BTG4: variants seen among roughly 807,000 people sequenced by gnomAD.
BTG4 encodes protein BTG4.
In BTG4, 10 loss-of-function variants were observed where a neutral mutation model predicts 19.3. That is an observed-to-expected ratio of 0.52 (90% CI 0.32 to 0.88). The LOEUF (loss-of-function observed/expected upper bound fraction) is 0.88. Among genes scored for constraint, BTG4 ranks in the 40% least tolerant of loss-of-function variants. The pLI is 0.04. For missense variants in BTG4, 238 were observed against 281.9 expected (o/e 0.84, Z 1.11); for synonymous variants, 91 against 95.7 (o/e 0.95, Z 0.29).
intron 1 of BTG4, among the ~76,000 whole-genome samples, chr11:111,510,634 A>C (rs567991287): frequency 6.7e-6 from 1 of 150,088 alleles, no homozygotes; most frequent in African/African-American, 2.5e-5. Context: ...AAGAACAAGC[A>C]TTCTTTTTTT....
At chr11:111,455,429 G>GTTTTTTA in the BTG4 span, 1 of 232,938 alleles carries the variant, frequency 4.3e-6, no homozygotes, top group South Asian at 5.9e-5. Context: ...AGGCCAGCCG[G>GTTTTTTA]AGGAGGCACC....
chr11:111,429,219 C>T, the BTG4 span, among the ~76,000 whole-genome samples: 1 of 152,050 alleles, frequency 6.6e-6, no homozygotes, highest in East Asian at 1.9e-4. Context: ...TTGAGGGAGG[C>T]GCCCCCTACT....
the BTG4 span, chr11:111,385,274 T>A: frequency 3.9e-5 from 6 of 152,118 alleles, no homozygotes; most frequent in African/African-American, 1.2e-4. Flanking sequence ...AGGAAGGATG[T>A]ATTTAAAAAT....
chr11:111,390,655 G>T, the BTG4 span, among the ~76,000 whole-genome samples: 6 of 152,174 alleles, frequency 3.9e-5, no homozygotes, highest in Non-Finnish European at 8.8e-5. Flanking sequence ...TCACACCACA[G>T]GAAGTGGGCA....
At chr11:111,477,524 T>C (rs1864466817) in intron 5 of BTG4, among the ~76,000 whole-genome samples, 1 of 152,072 alleles carries the variant, frequency 6.6e-6, no homozygotes, top group African/African-American at 2.4e-5. Context: ...GGGATAGGTG[T>C]TTTTTCTGTA....
At chr11:111,408,519 C>A in the BTG4 span, among the ~76,000 whole-genome samples, 11 of 152,332 alleles carry the variant, frequency 7.2e-5, no homozygotes, top group South Asian at 2.1e-4. Context: ...AGTGTCCTCA[C>A]CTGCACCATT....
Position 111,497,978 on chromosome 11 carries a change from C to G in BTG4, c.311+20G>C, listed in dbSNP as rs375606339. ...AGGTTTCCAGGTATCACACAGCACA[C>G]AAACTATGAGATTACTCACCTACAG... On this transcript the variant is annotated intron_variant, in intron 3 of 4. Coordinates refer to ENST00000692032, the MANE Select transcript of BTG4 (RefSeq NM_001367975.1). 2 of 1,611,204 alleles carry G rather than the reference C, an allele frequency of 1.2e-6. No homozygotes were observed. The highest frequency in any genetic ancestry group is 1.1e-5 in the South Asian group (1 of 90,756).
At chr11:111,455,869 C>A in the BTG4 span, 1 of 454,516 alleles carries the variant, frequency 2.2e-6, no homozygotes, top group Non-Finnish European at 4.4e-6. Context: ...GGCGGAGCTA[C>A]TGAGGCCAGG....
chr11:111,417,789 C>G, the BTG4 span: 1 of 152,240 alleles, frequency 6.6e-6, no homozygotes, highest in South Asian at 2.1e-4. Flanking sequence ...CACTCACGCT[C>G]TCCTCCCTAC....
chr11:111,492,538 A>T (rs565703227), downstream of BTG4, among the ~76,000 whole-genome samples: 1 of 152,342 alleles, frequency 6.6e-6, no homozygotes, highest in Middle Eastern at 3.4e-3. Flanking sequence ...ATCAGATTAT[A>T]TATTAGGCAA....
At chr11:111,506,027 G>T (rs1206893288) in intron 1 of BTG4, among the ~76,000 whole-genome samples, 1 of 152,110 alleles carries the variant, frequency 6.6e-6, no homozygotes, top group Non-Finnish European at 1.5e-5. Flanking sequence ...CTGTTGGTGG[G>T]AATGTAAATT....
At chr11:111,452,851 T>C in the BTG4 span, among the ~76,000 whole-genome samples, 1 of 151,908 alleles carries the variant, frequency 6.6e-6, no homozygotes, top group Admixed American at 6.6e-5. Flanking sequence ...TCCGGAAGAG[T>C]TGATGCCTGA....
chr11:111,487,050 A>G (rs939696309), intron 5 of BTG4, among the ~76,000 whole-genome samples: 2 of 151,944 alleles, frequency 1.3e-5, no homozygotes, highest in Non-Finnish European at 2.9e-5. Flanking sequence ...TTCAGCTCCA[A>G]CTTATGAGTG....
the BTG4 span, among the ~76,000 whole-genome samples, chr11:111,387,301 A>G: frequency 1.3e-5 from 2 of 152,232 alleles, no homozygotes; most frequent in Admixed American, 1.3e-4. Flanking sequence ...GTTCCCAGAC[A>G]TCATCTGCAA....
rs1865293681 is a variant in BTG4 at position 111,489,669 on chromosome 11, C to G, written c.662+5494G>C. On this transcript the variant is annotated intron_variant, in intron 5 of 5. Transcript: ENST00000356018. Reference sequence around the variant, plus strand: ...ATCATTTACGAAGAATAAAATCCTTCATAAAAAATAATAAAATCCTGTCAT... The same window carrying G: ...ATCATTTACGAAGAATAAAATCCTTGATAAAAAATAATAAAATCCTGTCAT... Among the ~76,000 whole-genome samples, 3 of 151,910 alleles carry G rather than the reference C, an allele frequency of 2.0e-5. No individual in the cohort carries two copies. The South Asian group carries it at 6.2e-4, about 32-fold the overall frequency.
intron 1 of BTG4, among the ~76,000 whole-genome samples, chr11:111,506,884 C>T (rs919160143): frequency 6.6e-6 from 1 of 151,800 alleles, no homozygotes; most frequent in African/African-American, 2.4e-5. Context: ...GAAGATTTTA[C>T]CCAGGAAGTA....
chr11:111,505,175 A>G (rs1190295631), intron 1 of BTG4, among the ~76,000 whole-genome samples: 1 of 152,088 alleles, frequency 6.6e-6, no homozygotes, highest in African/African-American at 2.4e-5. Flanking sequence ...CCCAAGCAAA[A>G]AGAACAGAGT....
the BTG4 span, chr11:111,417,015 C>T: frequency 6.6e-6 from 1 of 152,224 alleles, no homozygotes; most frequent in African/African-American, 2.4e-5. Context: ...CTGTGTACAT[C>T]CAGTTTGCCA....
At chr11:111,446,268 C>T in the BTG4 span, among the ~76,000 whole-genome samples, 1 of 152,188 alleles carries the variant, frequency 6.6e-6, no homozygotes, top group Non-Finnish European at 1.5e-5. Flanking sequence ...TGATCTTAGG[C>T]AAGTGATTTC....
Sources: gnomAD v4.1 joint callset for allele counts (sites outside exome capture counted in the v4.1 genomes callset) on GRCh38, gnomAD v4.1.1 for gene constraint, MANE v1.5 for transcripts, NCBI Gene and HGNC (gene_info 2026-07-23, HGNC 2026-07-21) for gene names.